The following IL1RAPL2 variants were observed in gnomAD, a reference collection of about 807,000 sequenced individuals.
IL1RAPL2 encodes the protein X-linked interleukin-1 receptor accessory protein-like 2.
A neutral mutation model predicts 44.1 loss-of-function variants in IL1RAPL2; 3 were observed. The observed-to-expected ratio is 0.07, with a 90% confidence interval of 0.03 to 0.18. The LOEUF (loss-of-function observed/expected upper bound fraction) is 0.18. Ranked by LOEUF, IL1RAPL2 falls within the 10% of genes least tolerant of loss-of-function variation. IL1RAPL2 has a pLI of 1.00. For synonymous variants in IL1RAPL2, 181 were observed against 178.8 expected (o/e 1.01, Z -0.10); for missense variants, 391 against 496.4 (o/e 0.79, Z 2.02).
At chrX:104,868,434 T>C (rs1305247063) in intron 2 of IL1RAPL2, among the ~76,000 whole-genome samples, 3 of 111,606 alleles carry the variant, frequency 2.7e-5, no homozygotes, top group African/African-American at 9.8e-5. Context: ...CTCTGAAAAA[T>C]ACCGACGAAA....
intron 6 of IL1RAPL2, among the ~76,000 whole-genome samples, chrX:105,660,024 A>C (rs1296814604): frequency 9.0e-6 from 1 of 111,676 alleles, no homozygotes; most frequent in African/African-American, 3.3e-5. Flanking sequence ...ATTCAATTAC[A>C]AAAAGGTTAT....
intron 2 of IL1RAPL2, among the ~76,000 whole-genome samples, chrX:104,791,822 T>A (rs1035328002): frequency 6.3e-5 from 7 of 111,575 alleles, no homozygotes; most frequent in Admixed American, 1.9e-4. Context: ...ACCATAGAAC[T>A]AATGTATTTG....
In IL1RAPL2 at chrX:105,542,731, A is replaced by ATTTT. The variant is rs1491487172; in HGVS notation, c.772+58344_772+58345insTTTT. Among the ~76,000 whole-genome samples the ATTTT allele has an allele frequency of 4.5e-3, 203 of 45,390 alleles. 1 individual carries two copies. The highest frequency in any genetic ancestry group is 0.032 in the Admixed American group (171 of 5,421). The allele number at this position is 45,390 out of a possible 115,157, so 39.4% of individuals were successfully genotyped here. A position where few individuals can be genotyped will look rare whatever the true frequency, so the allele number is the denominator to read the frequency against. ...TATTTATTTATTTATTTATTTATTT[A>ATTTT]ATTTATTATTTTTTTTTTTTGAGAC... On this transcript the variant is annotated intron_variant, in intron 6 of 10. Transcript: ENST00000372582.
intron 2 of IL1RAPL2, among the ~76,000 whole-genome samples, chrX:104,944,548 A>C (rs1177495257): frequency 9.0e-6 from 1 of 111,730 alleles, no homozygotes; most frequent in Non-Finnish European, 1.9e-5. Flanking sequence ...TCTTCTATTT[A>C]AATTGTCAAC....
At chrX:105,292,467 G>A (rs758390610) in intron 5 of IL1RAPL2, among the ~76,000 whole-genome samples, 16 of 111,474 alleles carry the variant, frequency 1.4e-4, no homozygotes, top group Non-Finnish European at 2.3e-4. Flanking sequence ...CTTATTTTCC[G>A]ACTACTTATC....
chrX:104,891,440 G>T (rs906743359), intron 2 of IL1RAPL2, among the ~76,000 whole-genome samples: 1 of 112,078 alleles, frequency 8.9e-6, no homozygotes. Flanking sequence ...AGCATGGAAT[G>T]TTCTTCCATT....
intron 5 of IL1RAPL2, among the ~76,000 whole-genome samples, chrX:105,450,731 C>G (rs1253150604): frequency 1.8e-5 from 2 of 112,010 alleles, no homozygotes; most frequent in South Asian, 3.7e-4. Flanking sequence ...ATAATAATCT[C>G]TTTCATTTTA....
At chrX:105,677,011 A>AT (rs2037878534) in intron 6 of IL1RAPL2, among the ~76,000 whole-genome samples, 1 of 111,691 alleles carries the variant, frequency 9.0e-6, no homozygotes, top group Non-Finnish European at 1.9e-5. Flanking sequence ...TAAACCTCCA[A>AT]TTTTTTAAAG....
At chrX:105,294,066 T>A (rs773513103) in intron 5 of IL1RAPL2, among the ~76,000 whole-genome samples, 1 of 112,475 alleles carries the variant, frequency 8.9e-6, no homozygotes, top group Non-Finnish European at 1.9e-5. Context: ...ATGAGGAACG[T>A]TATTTCTGTA....
chrX:105,705,593 A>C (rs2038159864), intron 6 of IL1RAPL2, among the ~76,000 whole-genome samples: 1 of 111,715 alleles, frequency 9.0e-6, no homozygotes, highest in Admixed American at 9.6e-5. Flanking sequence ...TATTTATTTT[A>C]CAACCTTCAT....
chrX:105,395,000 A>G (rs1465856639), intron 5 of IL1RAPL2, among the ~76,000 whole-genome samples: 1 of 111,425 alleles, frequency 9.0e-6, no homozygotes, highest in Non-Finnish European at 1.9e-5. Flanking sequence ...TTTAGTAACT[A>G]ATTGCCTTCT....
chrX:105,078,136 G>C (rs1281700663), intron 2 of IL1RAPL2, among the ~76,000 whole-genome samples: 1 of 111,408 alleles, frequency 9.0e-6, no homozygotes, highest in Non-Finnish European at 1.9e-5. Context: ...CAGTTTTTCT[G>C]CTCTGTTTTT....
rs188009917 is a variant in IL1RAPL2, at chrX:104,969,924, T to C, written c.83-225551T>C. Among the ~76,000 whole-genome samples, 11 of 111,692 alleles carry C rather than the reference T, an allele frequency of 9.8e-5. No individual in the cohort carries two copies. The East Asian group carries it at 2.8e-3, about 29-fold the overall frequency. On this transcript the variant is annotated intron_variant, in intron 2 of 10. Transcript: ENST00000372582. ...CTCTCATACACTAGTTTTTTTTTTCTTTTTTTCCTTAAAGATTTTTCCCTT... is the reference window on the plus strand; with the variant it reads ...CTCTCATACACTAGTTTTTTTTTTCCTTTTTTCCTTAAAGATTTTTCCCTT...
At chrX:105,097,185 G>A (rs1360310941) in intron 2 of IL1RAPL2, among the ~76,000 whole-genome samples, 1 of 108,575 alleles carries the variant, frequency 9.2e-6, no homozygotes, top group Non-Finnish European at 1.9e-5. Flanking sequence ...AAAATTAGTC[G>A]GGCGTGGTGA....
intron 2 of IL1RAPL2, among the ~76,000 whole-genome samples, chrX:105,072,199 C>T (rs1481667600): frequency 5.4e-5 from 6 of 111,480 alleles, no homozygotes; most frequent in East Asian, 2.8e-4. Flanking sequence ...ACACTCTTTT[C>T]GCCTGCTGCC....
chrX:105,125,046 G>A (rs2032961441), intron 2 of IL1RAPL2, among the ~76,000 whole-genome samples: 1 of 110,107 alleles, frequency 9.1e-6, no homozygotes, highest in African/African-American at 3.3e-5. Context: ...AGGATAGTCT[G>A]AAATTCTTGG....
At chrX:104,989,615 G>GA (rs1185357017) in intron 2 of IL1RAPL2, among the ~76,000 whole-genome samples, 4 of 111,057 alleles carry the variant, frequency 3.6e-5, no homozygotes, top group Non-Finnish European at 7.6e-5. Flanking sequence ...GTTTACGAGG[G>GA]AAAAAATGAA....
intron 2 of IL1RAPL2, among the ~76,000 whole-genome samples, chrX:104,738,343 A>C (rs1227007881): frequency 8.9e-6 from 1 of 112,554 alleles, no homozygotes; most frequent in Non-Finnish European, 1.9e-5. Context: ...AAAGTGCAGT[A>C]ATATGCTAAT....
At chrX:105,272,200 T>C (rs930674487) in intron 5 of IL1RAPL2, among the ~76,000 whole-genome samples, 1 of 106,807 alleles carries the variant, frequency 9.4e-6, no homozygotes, top group African/African-American at 3.4e-5. Context: ...AGTTAGTGGG[T>C]GCAGCGCACC....
Sources: allele counts gnomAD v4.1 joint callset (sites outside exome capture counted in the v4.1 genomes callset), GRCh38; gene constraint gnomAD v4.1.1; transcripts MANE v1.5; gene names NCBI Gene and HGNC (gene_info 2026-07-23, HGNC 2026-07-21).